Variants in PDE3A observed in about 807,000 individuals in gnomAD.
PDE3A encodes the protein cGMP-inhibited 3',5'-cyclic phosphodiesterase 3A.
Under a neutral mutation model 98.3 loss-of-function variants are expected in PDE3A, and 43 were observed. That is an observed-to-expected ratio of 0.44 (90% confidence interval 0.34 to 0.56). The LOEUF (loss-of-function observed/expected upper bound fraction) is 0.56. Ranked by LOEUF, PDE3A falls within the 20% of genes least tolerant of loss-of-function variation. PDE3A has a pLI of 0.01. For synonymous variants in PDE3A, 663 were observed against 567.9 expected (o/e 1.17, Z -2.38); for missense variants, 1,427 against 1,440.7 (o/e 0.99, Z 0.15).
intron 15 of PDE3A, among the ~76,000 whole-genome samples, chr12:20,656,863 G>C (rs1403900095): frequency 6.6e-6 from 1 of 152,150 alleles, no homozygotes; most frequent in African/African-American, 2.4e-5. Context: ...GACTTAACAG[G>C]CTCAACTTGT....
At chr12:20,486,439 T>C (rs1001482157) in intron 1 of PDE3A, among the ~76,000 whole-genome samples, 6 of 152,128 alleles carry the variant, frequency 3.9e-5, no homozygotes, top group African/African-American at 1.4e-4. Flanking sequence ...ATCGGAATCA[T>C]GGGGATTACA....
intron 15 of PDE3A, among the ~76,000 whole-genome samples, chr12:20,667,246 T>A (rs1364280388): frequency 1.3e-5 from 2 of 152,192 alleles, no homozygotes; most frequent in Non-Finnish European, 1.5e-5. Flanking sequence ...ACTATGTTGA[T>A]TCATTTGCTA....
intron 1 of PDE3A, among the ~76,000 whole-genome samples, chr12:20,376,061 A>C (rs1943566702): frequency 6.6e-6 from 1 of 151,964 alleles, no homozygotes; most frequent in Non-Finnish European, 1.5e-5. Flanking sequence ...GTACCTTTAC[A>C]GTCTGCTCTG....
intron 1 of PDE3A, among the ~76,000 whole-genome samples, chr12:20,386,112 A>T (rs375899270): frequency 0.035 from 803 of 23,202 alleles, 61 homozygotes; most frequent in Non-Finnish European, 0.054. Flanking sequence ...TATATATATA[A>T]ATATATATAA....
At chr12:20,533,478 CTTTTTTTTT>C (rs10707682) in intron 1 of PDE3A, among the ~76,000 whole-genome samples, 1 of 124,648 alleles carries the variant, frequency 8.0e-6, no homozygotes, top group Non-Finnish European at 1.7e-5. Context: ...GTTTCTTTTT[CTTTTTTTTT>C]TTTTTTTGTT....
At chr12:20,616,800 G>A (rs752055684) in intron 4 of PDE3A, among the ~76,000 whole-genome samples, 1 of 152,082 alleles carries the variant, frequency 6.6e-6, no homozygotes, top group Non-Finnish European at 1.5e-5. Flanking sequence ...TCTTAGCGTT[G>A]TACAAAAGAC....
At chr12:20,482,747 A>C (rs1660089937) in intron 1 of PDE3A, among the ~76,000 whole-genome samples, 1 of 152,192 alleles carries the variant, frequency 6.6e-6, no homozygotes, top group Non-Finnish European at 1.5e-5. Context: ...ATGTTTTTGA[A>C]TGTTTTGTAG....
intron 1 of PDE3A, among the ~76,000 whole-genome samples, chr12:20,433,406 A>T (rs1944729120): frequency 6.6e-6 from 1 of 152,186 alleles, no homozygotes; most frequent in Non-Finnish European, 1.5e-5. Flanking sequence ...GATCTATAGG[A>T]TATGAAAGTG....
At position 20,680,175 on chromosome 12, in the gene PDE3A, G is replaced by A. The variant is rs747690834; in HGVS notation, c.3330G>A (p.Ser1110=). The A allele has an allele frequency of 2.9e-5, 47 of 1,613,370 alleles. 2 individuals carry two copies. The highest frequency in any genetic ancestry group is 8.8e-5 in the South Asian group (8 of 91,074). Residue 1110 remains serine (S), a synonymous_variant, in exon 16 of 16, where the codon TCG becomes TCA. Coordinates refer to ENST00000359062, the MANE Select transcript of PDE3A (RefSeq NM_000921.5). ...AATCCCTGGACCAGACCCCTCAGTC[G>A]CACTCTTCAGAACAGATCCAGGCTA... The part of the protein sequence containing the change: ...ENQSLDQTPQ[S]HSSEQIQAIK...
chr12:20,574,128 A>G (rs1942871245), intron 2 of PDE3A, among the ~76,000 whole-genome samples: 1 of 152,110 alleles, frequency 6.6e-6, no homozygotes, highest in Admixed American at 6.6e-5. Flanking sequence ...TGGAGTAGAA[A>G]TTACCTCTGA....
chr12:20,647,340 A>C (rs542934095), intron 12 of PDE3A, among the ~76,000 whole-genome samples: 1 of 152,182 alleles, frequency 6.6e-6, no homozygotes, highest in Non-Finnish European at 1.5e-5. Context: ...ATTCCTTTGA[A>C]ATATATTCAA....
chr12:20,561,423 T>C (rs1194685870), intron 2 of PDE3A, among the ~76,000 whole-genome samples: 1 of 152,192 alleles, frequency 6.6e-6, no homozygotes, highest in Non-Finnish European at 1.5e-5. Context: ...AAATATTGTT[T>C]TAGATATCTA....
intron 2 of PDE3A, among the ~76,000 whole-genome samples, chr12:20,604,206 AAGAGGGGAGGGGAGG>A (rs748844817): frequency 2.9e-4 from 43 of 148,208 alleles, no homozygotes; most frequent in Middle Eastern, 3.4e-3. Flanking sequence ...GAGAGGAGAG[AAGAGGGGAGGGGAGG>A]AGAGGGGAGG....
At chr12:20,391,174 T>C (rs1002202932) in intron 1 of PDE3A, among the ~76,000 whole-genome samples, 2 of 151,796 alleles carry the variant, frequency 1.3e-5, no homozygotes, top group African/African-American at 2.4e-5. Flanking sequence ...ATCTAGGCTG[T>C]CGAGAGAAGT....
At chr12:20,533,778 G>A (rs1462644199) in intron 1 of PDE3A, among the ~76,000 whole-genome samples, 9 of 150,818 alleles carry the variant, frequency 6.0e-5, no homozygotes, top group African/African-American at 2.2e-4. Flanking sequence ...GAGCCACCGC[G>A]CCCGGCCCCC....
At chr12:20,541,851 G>A (rs1254729671) in intron 1 of PDE3A, among the ~76,000 whole-genome samples, 1 of 152,076 alleles carries the variant, frequency 6.6e-6, no homozygotes, top group South Asian at 2.1e-4. Context: ...GAGATGTACT[G>A]TAAACTTAGT....
chr12:20,395,525 C>T (rs558257326), intron 1 of PDE3A, among the ~76,000 whole-genome samples: 1 of 144,706 alleles, frequency 6.9e-6, no homozygotes, highest in Non-Finnish European at 1.5e-5. Context: ...ACTATGTGTA[C>T]ACATAGTATA....
intron 1 of PDE3A, among the ~76,000 whole-genome samples, chr12:20,378,325 T>C (rs1281832485): frequency 6.6e-6 from 1 of 151,720 alleles, no homozygotes; most frequent in Non-Finnish European, 1.5e-5. Flanking sequence ...TCGTTAACAA[T>C]AGCCGTAATT....
chr12:20,499,823 A>G (rs1459788297), intron 1 of PDE3A, among the ~76,000 whole-genome samples: 1 of 152,224 alleles, frequency 6.6e-6, no homozygotes, highest in African/African-American at 2.4e-5. Context: ...AATTAACAGC[A>G]TGCAACACAT....
Sources: allele counts gnomAD v4.1 joint callset (sites outside exome capture counted in the v4.1 genomes callset), GRCh38; gene constraint gnomAD v4.1.1; transcripts MANE v1.5; gene names NCBI Gene and HGNC (gene_info 2026-07-23, HGNC 2026-07-21).